The following CACNA1S variants were observed in gnomAD, a reference collection of about 807,000 sequenced individuals.
The protein encoded by CACNA1S is voltage-dependent L-type calcium channel subunit alpha-1S.
In CACNA1S, 126 loss-of-function variants were observed where a neutral mutation model predicts 207.4. The ratio of observed to expected loss-of-function variants is 0.61; its 90% CI spans 0.53 to 0.70. CACNA1S has a LOEUF of 0.70. Ranked by LOEUF, CACNA1S falls within the 30% of genes least tolerant of loss-of-function variation. The probability of loss-of-function intolerance (pLI) is 0.00; values close to 1 mark genes in which losing one functional copy is unlikely to be tolerated. For missense variants in CACNA1S, 2,349 were observed against 2,422.8 expected, an observed-to-expected ratio of 0.97 and a Z score of 0.64; for synonymous variants, 960 against 932.7, an observed-to-expected ratio of 1.03 and a Z score of -0.53.
Position 201,076,208 on chromosome 1 carries a change from C to T in CACNA1S, c.1828-593G>A, listed in dbSNP as rs114078319. ...TTCACTGTGCTTCACCCACCCAGGC[C>T]TCCTGTTATTCTGGCCTTAGAAGTC... On this transcript the variant is annotated intron_variant, in intron 12 of 43. Transcript: ENST00000362061. Among the ~76,000 whole-genome samples the T allele has an allele frequency of 1.4e-3, 215 of 152,322 alleles. 2 individuals are homozygous for T. The highest frequency in any genetic ancestry group is 5.1e-3 in the African/African-American group (210 of 41,574).
At chr1:201,068,436 T>C (rs1038793260) in intron 19 of CACNA1S, among the ~76,000 whole-genome samples, 5 of 148,664 alleles carry the variant, frequency 3.4e-5, no homozygotes, top group East Asian at 2.0e-4. Context: ...AGAGACAGGG[T>C]TTCATCATGT....
chr1:201,090,265 CA>C (rs1662177570), intron 5 of CACNA1S, among the ~76,000 whole-genome samples: 1 of 152,212 alleles, frequency 6.6e-6, no homozygotes, highest in Admixed American at 6.5e-5. Context: ...TGCTGCTCAG[CA>C]TTCCTCAAGA....
At chr1:201,077,809 TG>T in intron 11 of CACNA1S, 69 bp downstream of exon 11, 2 of 1,018,598 alleles carry the variant, frequency 2.0e-6, no homozygotes, top group Non-Finnish European at 1.5e-6. Flanking sequence ...GGAAATGAGA[TG>T]GGTGTAGACC....
At chr1:201,043,173 A>C (rs1558051688) in intron 40 of CACNA1S, 108 bp downstream of exon 40, 1 of 1,467,312 alleles carries the variant, frequency 6.8e-7, no homozygotes. Context: ...AAAGGCAAGC[A>C]AAAGACACCC....
intron 40 of CACNA1S, 167 bp downstream of exon 40, chr1:201,043,114 G>T (rs1660333792): frequency 8.8e-6 from 7 of 791,578 alleles, no homozygotes; most frequent in Non-Finnish European, 1.5e-5. Context: ...AGAAGCCTCT[G>T]CCATCGAGGT....
In CACNA1S at chr1:201,051,080, G is replaced by A. The variant is rs754778841; in HGVS notation, c.4017C>T (p.Asp1339=). ...CCCCTGGGGCATAGTCCGACTCTGG[G>A]TCACACAGCTTCCCATAGCTGCAGG... ...LLACSYGKLC[D]PESDYAPGEE... Residue 1339 remains aspartate (D), a synonymous_variant, in exon 33 of 44, where the codon GAC becomes GAT. Coordinates refer to ENST00000362061, the MANE Select transcript of CACNA1S (RefSeq NM_000069.3). 19 of 1,614,116 alleles carry A rather than the reference G, an allele frequency of 1.2e-5. No homozygotes were observed. In the Admixed American group the frequency reaches 3.2e-4, roughly 27 times the overall value.
chr1:201,079,070 G>A (rs879571117), intron 10 of CACNA1S, among the ~76,000 whole-genome samples: 3 of 146,578 alleles, frequency 2.0e-5, no homozygotes, highest in Non-Finnish European at 4.5e-5. Context: ...GCAGTGAGCC[G>A]AGATCAAGCC....
rs1042491303 is a variant in CACNA1S at position 201,050,991 on chromosome 1, G to A, written c.4106C>T (p.Ala1369Val). ...AGGCCCTCAGCATCTCACCAGGAAGGCACAGAGCATGTAGAAGCTGATGAA... is the reference window on the plus strand; with the variant it reads ...AGGCCCTCAGCATCTCACCAGGAAGACACAGAGCATGTAGAAGCTGATGAA... Reference protein sequence around the residue: ...YYFISFYMLCAFLVINLFVAV... With the variant: ...YYFISFYMLCVFLVINLFVAV... Residue 1369 changes from alanine to valine, a missense_variant, in exon 33 of 44, where the codon GCC (alanine) becomes GTC (valine). By Grantham distance (64) the Ala-to-Val change is moderately conservative. Transcript: ENST00000362061. 1 of 1,614,146 alleles carries A rather than the reference G, an allele frequency of 6.2e-7. No homozygotes were observed. The highest frequency in any genetic ancestry group is 8.5e-7 in the Non-Finnish European group (1 of 1,179,996).
chr1:201,051,008 G>A lies in CACNA1S; in HGVS notation c.4089C>T (p.Ser1363=), dbSNP rs1238761013. ...GTNFAYYYFI[S]FYMLCAFLVI... ...CCAGGAAGGCACAGAGCATGTAGAA[G>A]CTGATGAAGTAGTAGTATGCAAAGT... The change falls in exon 33 of 44, where the codon AGC becomes AGT. Residue 1363 remains serine, a synonymous_variant. Transcript: ENST00000362061. 2 of 1,614,236 alleles carry A rather than the reference G, an allele frequency of 1.2e-6. No individual in the cohort carries two copies. Among genetic ancestry groups the A allele is most frequent in the Admixed American group, 1.7e-5 (1 of 60,026 alleles).
rs780455824 is a variant in CACNA1S at position 201,083,277 on chromosome 1, A to T, written c.1278T>A (p.His426Gln). 1 of 1,614,120 alleles carries T rather than the reference A, an allele frequency of 6.2e-7. No homozygotes were observed. Among genetic ancestry groups the T allele is most frequent in the Non-Finnish European group, 8.5e-7 (1 of 1,180,054 alleles). ...AGAAGACCTTGGACTTCACGATGTC[A>T]TGGCACTTCCAGCGAAAGATGCGGT... is the stretch of plus-strand genomic sequence containing the variant. ...QWNRIFRWKC[H>Q]DIVKSKVFYW... Residue 426 changes from histidine (H) to glutamine (Q), a missense_variant, in exon 10 of 44, where the codon CAT (histidine) becomes CAA (glutamine). Coordinates refer to ENST00000362061, the MANE Select transcript of CACNA1S (RefSeq NM_000069.3).
intron 16 of CACNA1S, among the ~76,000 whole-genome samples, chr1:201,072,069 C>T (rs1041696147): frequency 5.9e-5 from 9 of 152,268 alleles, no homozygotes; most frequent in South Asian, 4.1e-4. Flanking sequence ...CCCGGTGATC[C>T]GAAGGACCCA....
Position 201,061,540 on chromosome 1 carries a change from G to A in CACNA1S, c.3054-72C>T, listed in dbSNP as rs2297904. The A allele has an allele frequency of 0.12, 175,677 of 1,427,064 alleles. 16,001 individuals carry two copies. Among genetic ancestry groups the A allele is most frequent in the East Asian group, 0.44 (19,345 of 43,760 alleles). The allele number at this position is 1,427,064 out of a possible 1,614,324, so 88.4% of individuals were successfully genotyped here. On this transcript the variant is annotated intron_variant, in intron 24 of 43. Coordinates refer to ENST00000362061, the MANE Select transcript of CACNA1S (RefSeq NM_000069.3). ...GCAGAGAGTCAGGCTGGGAAGGATG[G>A]GCTTTATCCCACTGGCTGTGGAGAG...
chr1:201,103,262 A>G (rs1469074445), intron 2 of CACNA1S, among the ~76,000 whole-genome samples: 1 of 149,740 alleles, frequency 6.7e-6, no homozygotes, highest in African/African-American at 2.5e-5. Flanking sequence ...AAAAAAAAAG[A>G]AAGAAAGATA....
chr1:201,083,987 A>G (rs928557936), intron 9 of CACNA1S, among the ~76,000 whole-genome samples: 5 of 152,222 alleles, frequency 3.3e-5, no homozygotes, highest in African/African-American at 1.2e-4. Context: ...CACTGTTTGT[A>G]TCGCCAAAGA....
chr1:201,064,524 C>T (rs748887217), intron 22 of CACNA1S, among the ~76,000 whole-genome samples: 1 of 152,230 alleles, frequency 6.6e-6, no homozygotes, highest in Non-Finnish European at 1.5e-5. Flanking sequence ...GGAAAACATA[C>T]TCCATACATG....
chr1:201,051,091 T>G lies in CACNA1S; in HGVS notation c.4006A>C (p.Lys1336Gln). 2 of 1,614,192 alleles carry G rather than the reference T, an allele frequency of 1.2e-6. No individual in the cohort carries two copies. Among genetic ancestry groups the G allele is most frequent in the South Asian group, 2.2e-5 (2 of 91,080 alleles). Reference protein sequence around the residue: ...QEILLACSYGKLCDPESDYAP... With the variant: ...QEILLACSYGQLCDPESDYAP... ...TAGTCCGACTCTGGGTCACACAGCT[T>G]CCCATAGCTGCAGGCCAGTAGGATC... The change falls in exon 33 of 44, where the codon AAG becomes CAG. Residue 1336 changes from lysine (K) to glutamine (Q), a missense_variant. Physicochemically the swap from Lys to Gln is moderately conservative, Grantham distance 53 (BLOSUM62 1). Coordinates refer to ENST00000362061, the MANE Select transcript of CACNA1S (RefSeq NM_000069.3).
Position 201,085,530 on chromosome 1 carries a change from C to A in CACNA1S, c.1056G>T (p.Lys352Asn). ...CATCTAGTTGCTGCTTCTCCCGGAG[C>A]TTCTGGAAGGTTCCCCTGGACTTGG... The part of the protein sequence containing the change: ...EKAKSRGTFQ[K>N]LREKQQLDED... The change falls in exon 8 of 44, where the codon AAG (lysine) becomes AAT (asparagine). Residue 352 changes from lysine to asparagine, a missense_variant. Coordinates refer to ENST00000362061, the MANE Select transcript of CACNA1S (RefSeq NM_000069.3). 6.2e-7 allele frequency: 1 copy of A among 1,613,514 alleles called. No homozygotes were observed. Among genetic ancestry groups the A allele is most frequent in the Non-Finnish European group, 8.5e-7 (1 of 1,179,944 alleles).
chr1:201,103,272 A>G (rs990725825), intron 2 of CACNA1S, among the ~76,000 whole-genome samples: 34 of 151,472 alleles, frequency 2.2e-4, no homozygotes, highest in Middle Eastern at 3.4e-3. Context: ...AAAGAAAGAT[A>G]TTGTGGTCCT....
chr1:201,100,638 A>T (rs1488853609), intron 2 of CACNA1S, among the ~76,000 whole-genome samples: 1 of 152,074 alleles, frequency 6.6e-6, no homozygotes, highest in Non-Finnish European at 1.5e-5. Flanking sequence ...TGGGCCAGAC[A>T]CACCAGGGCT....
Sources: allele counts gnomAD v4.1 joint callset (sites outside exome capture counted in the v4.1 genomes callset), GRCh38; gene constraint gnomAD v4.1.1; transcripts MANE v1.5; gene names NCBI Gene and HGNC (gene_info 2026-07-23, HGNC 2026-07-21).